PLXDC2: variants seen among roughly 807,000 people sequenced by gnomAD.
PLXDC2 encodes the protein plexin domain-containing protein 2.
A neutral mutation model predicts 68.9 loss-of-function variants in PLXDC2; 40 were observed. That is an observed-to-expected ratio of 0.58 (90% CI 0.45 to 0.76). The LOEUF (loss-of-function observed/expected upper bound fraction) is 0.76. Ranked by LOEUF, PLXDC2 falls within the 30% of genes least tolerant of loss-of-function variation. PLXDC2 has a pLI of 0.00. For missense variants in PLXDC2, 644 were observed against 661.9 expected, an observed-to-expected ratio of 0.97 and a Z score of 0.30; for synonymous variants, 243 against 234.2, an observed-to-expected ratio of 1.04 and a Z score of -0.34.
intron 2 of PLXDC2, among the ~76,000 whole-genome samples, chr10:20,004,719 T>C (rs1293178314): frequency 6.6e-6 from 1 of 152,198 alleles, no homozygotes; most frequent in Admixed American, 6.5e-5. Flanking sequence ...TTCTTAATCA[T>C]TTATAAAATA....
At chr10:19,872,732 T>C (rs1837562237) in intron 1 of PLXDC2, among the ~76,000 whole-genome samples, 2 of 151,896 alleles carry the variant, frequency 1.3e-5, no homozygotes, top group Non-Finnish European at 2.9e-5. Context: ...TGGGCTTGGG[T>C]CGGCATCCAT....
chr10:20,271,394 G>T (rs1835939091), intron 13 of PLXDC2, among the ~76,000 whole-genome samples: 2 of 152,162 alleles, frequency 1.3e-5, no homozygotes. Context: ...AGACATTTCA[G>T]AGAGATATAG....
intron 1 of PLXDC2, among the ~76,000 whole-genome samples, chr10:19,890,657 G>C (rs1357958246): frequency 7.3e-6 from 1 of 137,772 alleles, no homozygotes; most frequent in African/African-American, 2.7e-5. Flanking sequence ...TTACAGGCGT[G>C]AGCCACCGCG....
At chr10:19,844,666 T>C (rs1453987664) in intron 1 of PLXDC2, among the ~76,000 whole-genome samples, 1 of 151,976 alleles carries the variant, frequency 6.6e-6, no homozygotes, top group Non-Finnish European at 1.5e-5. Flanking sequence ...TGTGACCATG[T>C]CTCACTGCAA....
At chr10:20,235,434 A>G (rs1316010193) in intron 12 of PLXDC2, among the ~76,000 whole-genome samples, 1 of 152,266 alleles carries the variant, frequency 6.6e-6, no homozygotes, top group Non-Finnish European at 1.5e-5. Flanking sequence ...TATGAGTGGC[A>G]CTAACAACAT....
At position 20,104,956 on chromosome 10, in the gene PLXDC2, C is replaced by T. The variant is rs1833470976; in HGVS notation, c.541+36717C>T. Among the ~76,000 whole-genome samples, 3 of 146,278 alleles carry T rather than the reference C, an allele frequency of 2.1e-5. No individual in the cohort carries two copies. In the Admixed American group the frequency reaches 2.2e-4, roughly 10 times the overall value. ...ATCCCAGCTACTCAGGAGGCTGAGG[C>T]AGGAGAATCACTTGAACCAGGGGGT... On this transcript the variant is annotated intron_variant, in intron 4 of 13. Coordinates refer to ENST00000377252, the MANE Select transcript of PLXDC2 (RefSeq NM_032812.9).
chr10:20,111,838 A>G (rs1833564214), intron 4 of PLXDC2, among the ~76,000 whole-genome samples: 1 of 152,192 alleles, frequency 6.6e-6, no homozygotes, highest in South Asian at 2.1e-4. Context: ...CACTGGCAAT[A>G]TTTTGATTAA....
rs1363859752 is a variant in PLXDC2 at position 20,284,162 on chromosome 10, C to G, written c.*4343C>G. On this transcript the variant is annotated 3_prime_UTR_variant, in exon 14 of 14. Transcript: ENST00000377252. ...TAATTTCTTCCTCCTGTGAAATGTT[C>G]TTTTGGTTTGTATTTCTTTAGGTAT... 6.6e-6 allele frequency: 1 copy of G among 151,704 alleles called. No homozygotes were observed. The highest frequency in any genetic ancestry group is 1.5e-5 in the Non-Finnish European group (1 of 67,938). The allele number at this position is 151,704 out of a possible 1,614,324, so 9.4% of individuals were successfully genotyped here. A position where few individuals can be genotyped will look rare whatever the true frequency, so the allele number is the denominator to read the frequency against.
At chr10:20,216,307 A>G (rs1011651391) in intron 10 of PLXDC2, among the ~76,000 whole-genome samples, 2 of 152,174 alleles carry the variant, frequency 1.3e-5, no homozygotes, top group South Asian at 2.1e-4. Flanking sequence ...TTTCAGATCT[A>G]AAACATTTTC....
intron 9 of PLXDC2, among the ~76,000 whole-genome samples, chr10:20,183,506 G>C (rs1210089325): frequency 6.6e-6 from 1 of 151,964 alleles, no homozygotes; most frequent in Non-Finnish European, 1.5e-5. Flanking sequence ...GGAGAGACAT[G>C]AGACTGTTAC....
At chr10:19,952,994 A>G (rs1228707678) in intron 1 of PLXDC2, among the ~76,000 whole-genome samples, 3 of 151,986 alleles carry the variant, frequency 2.0e-5, no homozygotes, top group Non-Finnish European at 4.4e-5. Flanking sequence ...CCTCCTAAGT[A>G]GCTGGGATTA....
chr10:20,053,277 T>G (rs1329797111), intron 3 of PLXDC2, among the ~76,000 whole-genome samples: 2 of 152,118 alleles, frequency 1.3e-5, no homozygotes, highest in Non-Finnish European at 2.9e-5. Context: ...TTAAATAACA[T>G]TTCTTAAATC....
chr10:20,086,844 C>T (rs180882346), intron 4 of PLXDC2, among the ~76,000 whole-genome samples: 6 of 152,220 alleles, frequency 3.9e-5, no homozygotes, highest in Non-Finnish European at 5.9e-5. Context: ...AATGTAATTG[C>T]CAATCTGAAT....
At chr10:20,140,133 T>C (rs1174417024) in intron 4 of PLXDC2, among the ~76,000 whole-genome samples, 1 of 151,784 alleles carries the variant, frequency 6.6e-6, no homozygotes, top group Non-Finnish European at 1.5e-5. Flanking sequence ...ACCCCCTCTC[T>C]ACTAAAAATA....
chr10:20,003,874 G>T (rs1834981860), intron 2 of PLXDC2, among the ~76,000 whole-genome samples: 1 of 152,164 alleles, frequency 6.6e-6, no homozygotes, highest in Non-Finnish European at 1.5e-5. Context: ...TACTGCCAAG[G>T]CTGTGGTGTG....
At chr10:19,990,342 G>C (rs1834727258) in intron 1 of PLXDC2, among the ~76,000 whole-genome samples, 1 of 151,972 alleles carries the variant, frequency 6.6e-6, no homozygotes, top group Non-Finnish European at 1.5e-5. Flanking sequence ...ATTTTTCTTA[G>C]TCTTACACTA....
intron 1 of PLXDC2, among the ~76,000 whole-genome samples, chr10:19,971,783 C>A (rs1417956824): frequency 6.6e-6 from 1 of 151,966 alleles, no homozygotes; most frequent in Non-Finnish European, 1.5e-5. Context: ...TCATAACAAG[C>A]TGGGATTATA....
chr10:20,153,454 C>T (rs1451042684), intron 6 of PLXDC2, among the ~76,000 whole-genome samples: 1 of 152,114 alleles, frequency 6.6e-6, no homozygotes, highest in African/African-American at 2.4e-5. Flanking sequence ...AGACCTTGCT[C>T]TTTGATAACT....
At chr10:20,120,804 G>A (rs1833686995) in intron 4 of PLXDC2, among the ~76,000 whole-genome samples, 1 of 152,216 alleles carries the variant, frequency 6.6e-6, no homozygotes, top group African/African-American at 2.4e-5. Context: ...CTTGAGGATA[G>A]ATTTCCACCA....
Sources: gnomAD v4.1 joint callset for allele counts (sites outside exome capture counted in the v4.1 genomes callset) on GRCh38, gnomAD v4.1.1 for gene constraint, MANE v1.5 for transcripts, NCBI Gene and HGNC (gene_info 2026-07-23, HGNC 2026-07-21) for gene names.